Variants in WDR49 observed in about 807,000 individuals in gnomAD.
WDR49 encodes the protein WD repeat domain 49, also known as cilia- and flagella-associated protein 337.
A neutral mutation model predicts 119.5 loss-of-function variants in WDR49; 107 were observed. The observed-to-expected ratio is 0.90, with a 90% CI of 0.77 to 1.05. WDR49 has a LOEUF of 1.05. Among genes scored for constraint, WDR49 ranks in the 50% least tolerant of loss-of-function variants. The pLI, the probability that WDR49 is intolerant of heterozygous loss-of-function variation, is 0.00. For missense variants in WDR49, 1,240 were observed against 1,220.5 expected (o/e 1.02, Z -0.24); for synonymous variants, 425 against 418.8 (o/e 1.01, Z -0.18).
intron 7 of WDR49, among the ~76,000 whole-genome samples, chr3:167,600,099 T>A (rs1024307693): frequency 1.3e-5 from 2 of 152,096 alleles, no homozygotes; most frequent in Non-Finnish European, 2.9e-5. Context: ...ATTGTGGCTG[T>A]GCTGGTATCC....
At chr3:167,576,240 A>C (rs1470254666) in intron 7 of WDR49, 89 bp from the exon 8 acceptor site, 2 of 1,059,608 alleles carry the variant, frequency 1.9e-6, no homozygotes, top group East Asian at 5.2e-5. Flanking sequence ...CCTCAATACC[A>C]GGCAGACAGT....
intron 9 of WDR49, among the ~76,000 whole-genome samples, chr3:167,556,332 T>C (rs1712926085): frequency 6.6e-6 from 1 of 152,170 alleles, no homozygotes; most frequent in Non-Finnish European, 1.5e-5. Context: ...AAACAGCTGA[T>C]ACAGAACCTG....
chr3:167,560,178 A>C lies in WDR49; in HGVS notation c.1560T>G (p.Thr520=). The C allele has an allele frequency of 6.2e-7, 1 of 1,614,218 alleles. No homozygotes were observed. The highest frequency in any genetic ancestry group is 8.5e-7 in the Non-Finnish European group (1 of 1,180,018). ...GSTVSFWMID[T]GQKIKQFTGC... is the part of the protein sequence containing the mutation. ...CAGTAAACTGTTTGATTTTCTGCCC[A>C]GTGTCTATCATCCAGAAGGAAACAG... Residue 520 remains threonine (T), a synonymous_variant, in exon 9 of 19, where the codon ACT becomes ACG. Coordinates refer to ENST00000682715, the MANE Select transcript of WDR49 (RefSeq NM_001366157.1).
intron 17 of WDR49, among the ~76,000 whole-genome samples, chr3:167,504,778 C>T (rs193262862): frequency 8.5e-5 from 13 of 152,168 alleles, no homozygotes; most frequent in East Asian, 7.7e-4. Flanking sequence ...GTGTTGGAGA[C>T]GGGGCCTGGT....
intron 10 of WDR49, among the ~76,000 whole-genome samples, chr3:167,552,120 T>A (rs1321530169): frequency 6.6e-6 from 1 of 151,462 alleles, no homozygotes; most frequent in Non-Finnish European, 1.5e-5. Flanking sequence ...TTTGATAGAG[T>A]TTAGAATATA....
chr3:167,494,217 T>C lies in WDR49; in HGVS notation c.3031+5936A>G, dbSNP rs192429944. On this transcript the variant is annotated intron_variant, in intron 18 of 18. Coordinates refer to ENST00000682715, the MANE Select transcript of WDR49 (RefSeq NM_001366157.1). ...GAATAGGGTGAATAATTTATTCAGA[T>C]ATAAACAAATAGTAGAAGGCGAAGT... Among the ~76,000 whole-genome samples, 9 of 152,246 alleles carry C rather than the reference T, an allele frequency of 5.9e-5. No individual in the cohort carries two copies. The East Asian group carries it at 1.7e-3, about 29-fold the overall frequency.
intron 18 of WDR49, among the ~76,000 whole-genome samples, chr3:167,482,980 G>T (rs1033213397): frequency 1.3e-5 from 2 of 152,032 alleles, no homozygotes; most frequent in Non-Finnish European, 2.9e-5. Flanking sequence ...ATAAAAGTAA[G>T]CATAAAGAAA....
chr3:167,623,626 C>G (rs1190639272), intron 3 of WDR49, among the ~76,000 whole-genome samples: 1 of 37,286 alleles, frequency 2.7e-5, no homozygotes, highest in African/African-American at 3.9e-4. Flanking sequence ...ATACATTCCC[C>G]ATAAAGATCA....
intron 15 of WDR49, among the ~76,000 whole-genome samples, chr3:167,523,838 T>C (rs1022064036): frequency 1.3e-5 from 2 of 152,176 alleles, no homozygotes; most frequent in African/African-American, 4.8e-5. Context: ...CTATTGTAAA[T>C]AGTGCTGCAA....
chr3:167,642,291 A>G (rs1454535819), intron 2 of WDR49, among the ~76,000 whole-genome samples: 1 of 151,986 alleles, frequency 6.6e-6, no homozygotes, highest in African/African-American at 2.4e-5. Context: ...GTAATGCAAT[A>G]TAATGCAAAA....
At chr3:167,497,843 CA>C (rs1354976275) in intron 18 of WDR49, among the ~76,000 whole-genome samples, 1 of 148,732 alleles carries the variant, frequency 6.7e-6, no homozygotes, top group Non-Finnish European at 1.5e-5. Context: ...TTGTGGCTCA[CA>C]AAGACAAGAT....
intron 16 of WDR49, 59 bp downstream of exon 16, chr3:167,522,255 TC>T: frequency 6.8e-7 from 1 of 1,463,736 alleles, no homozygotes. Flanking sequence ...TTTGGACCAA[TC>T]TTATCTATGT....
intron 16 of WDR49, among the ~76,000 whole-genome samples, chr3:167,519,932 T>C (rs1341927010): frequency 6.6e-6 from 1 of 151,828 alleles, no homozygotes. Flanking sequence ...TAGGAAAAGA[T>C]TGGTTTAAAA....
chr3:167,558,820 G>A (rs191308690), intron 9 of WDR49, among the ~76,000 whole-genome samples: 27 of 152,160 alleles, frequency 1.8e-4, no homozygotes, highest in African/African-American at 3.9e-4. Context: ...AACCTAATCC[G>A]TTCACTCCAA....
intron 5 of WDR49, among the ~76,000 whole-genome samples, chr3:167,615,223 C>A (rs1464545173): frequency 6.6e-6 from 1 of 152,160 alleles, no homozygotes; most frequent in African/African-American, 2.4e-5. Context: ...CAGCCTCAAT[C>A]TCCTGGGCTC....
rs569844089 is a variant in WDR49 at position 167,534,253 on chromosome 3, G to T, written c.1955-1276C>A. On this transcript the variant is annotated intron_variant, in intron 11 of 18. Transcript: ENST00000682715. ...TGAAGCTCACAAATTGAACCAGGGG[G>T]ATGGAGTTCAGCTGTCCATAGAAAT... is the stretch of plus-strand genomic sequence containing the variant. Among the ~76,000 whole-genome samples the T allele has an allele frequency of 1.5e-4, 23 of 152,180 alleles. No individual in the cohort carries two copies. The South Asian group carries it at 3.1e-3, about 21-fold the overall frequency.
intron 10 of WDR49, among the ~76,000 whole-genome samples, chr3:167,548,238 G>T (rs1178297088): frequency 6.6e-6 from 1 of 151,934 alleles, no homozygotes; most frequent in African/African-American, 2.4e-5. Context: ...ATGACACTAA[G>T]GGGGCAATTT....
chr3:167,572,569 A>G (rs1713999020), intron 8 of WDR49, among the ~76,000 whole-genome samples: 1 of 152,252 alleles, frequency 6.6e-6, no homozygotes, highest in African/African-American at 2.4e-5. Context: ...ACTTGGGATG[A>G]AAAATGGCAA....
chr3:167,546,623 G>T (rs548418875), intron 10 of WDR49, among the ~76,000 whole-genome samples: 1 of 149,262 alleles, frequency 6.7e-6, no homozygotes, highest in Non-Finnish European at 1.5e-5. Flanking sequence ...AATGAATCAC[G>T]TCTCTAATTT....
Sources: gnomAD v4.1 joint callset for allele counts (sites outside exome capture counted in the v4.1 genomes callset) on GRCh38, gnomAD v4.1.1 for gene constraint, MANE v1.5 for transcripts, NCBI Gene and HGNC (gene_info 2026-07-23, HGNC 2026-07-21) for gene names.